The following ZNF365 variants were observed in gnomAD, a reference collection of about 807,000 sequenced individuals.
The protein encoded by ZNF365 is zinc finger protein 365.
A neutral mutation model predicts 35.0 loss-of-function variants in ZNF365; 22 were observed. The ratio of observed to expected loss-of-function variants is 0.63; its 90% CI spans 0.45 to 0.90. The LOEUF is 0.90. Ranked by LOEUF, ZNF365 falls within the 40% of genes least tolerant of loss-of-function variation. The probability of loss-of-function intolerance (pLI) is 0.00; values close to 1 mark genes in which losing one functional copy is unlikely to be tolerated. For synonymous variants in ZNF365, 188 were observed against 196.2 expected, an observed-to-expected ratio of 0.96 and a Z score of 0.35; for missense variants, 448 against 500.3, an observed-to-expected ratio of 0.90 and a Z score of 1.00.
intron 3 of ZNF365, among the ~76,000 whole-genome samples, chr10:62,453,609 T>A (rs1589462329): frequency 6.6e-6 from 1 of 152,110 alleles, no homozygotes; most frequent in African/African-American, 2.4e-5. Flanking sequence ...GTGTAGGTAC[T>A]TTTTTTAATA....
chr10:62,398,953 G>C (rs941690460), intron 4 of ZNF365, among the ~76,000 whole-genome samples, 176 bp downstream of exon 4: 18 of 152,180 alleles, frequency 1.2e-4, no homozygotes, highest in Non-Finnish European at 2.1e-4. Context: ...AAGTTGATGT[G>C]ACCTTTCAAT....
chr10:62,392,771 C>T (rs1255377067), intron 3 of ZNF365, among the ~76,000 whole-genome samples: 1 of 152,132 alleles, frequency 6.6e-6, no homozygotes, highest in Non-Finnish European at 1.5e-5. Flanking sequence ...GCTGGGATTA[C>T]AGGCACCTGC....
At chr10:62,392,934 A>G (rs542397385) in intron 3 of ZNF365, among the ~76,000 whole-genome samples, 4 of 152,206 alleles carry the variant, frequency 2.6e-5, no homozygotes, top group South Asian at 2.1e-4. Context: ...ACCCGGCCCT[A>G]TGTGCTTATT....
At chr10:62,459,108 A>T (rs1438357266) in intron 3 of ZNF365, among the ~76,000 whole-genome samples, 3 of 152,236 alleles carry the variant, frequency 2.0e-5, no homozygotes, top group Non-Finnish European at 4.4e-5. Flanking sequence ...AGTATTCAAA[A>T]TATATGGTTC....
chr10:62,387,103 C>T (rs1257410681), intron 2 of ZNF365, among the ~76,000 whole-genome samples: 1 of 152,166 alleles, frequency 6.6e-6, no homozygotes, highest in Admixed American at 6.5e-5. Flanking sequence ...CTGGGACTTG[C>T]AGAACATACA....
chr10:62,388,307 AAATAGTAGGCACTC>A, intron 2 of ZNF365, 75 bp from the exon 3 acceptor site: 1 of 1,474,488 alleles, frequency 6.8e-7, no homozygotes, highest in Non-Finnish European at 9.3e-7. Flanking sequence ...GTTAACTGAC[AAATAGTAGGCACTC>A]AATAAATATG....
chr10:62,377,640 A>G (rs1839359021), intron 2 of ZNF365, among the ~76,000 whole-genome samples: 1 of 152,216 alleles, frequency 6.6e-6, no homozygotes, highest in South Asian at 2.1e-4. Flanking sequence ...GTTATAGATC[A>G]TAGAAGCTAT....
intron 3 of ZNF365, among the ~76,000 whole-genome samples, chr10:62,459,467 T>A (rs1396074495): frequency 6.6e-6 from 1 of 152,218 alleles, no homozygotes; most frequent in African/African-American, 2.4e-5. Context: ...ACATCCAGAC[T>A]AAAATATACC....
intron 3 of ZNF365, among the ~76,000 whole-genome samples, chr10:62,432,373 C>T (rs1236093372): frequency 6.6e-6 from 1 of 152,190 alleles, no homozygotes; most frequent in African/African-American, 2.4e-5. Flanking sequence ...TTTGTTAATT[C>T]AACCCTGAAT....
At chr10:62,377,075 A>G (rs1839350309) in intron 2 of ZNF365, 139 bp downstream of exon 2, 2 of 1,154,156 alleles carry the variant, frequency 1.7e-6, no homozygotes, top group Non-Finnish European at 2.4e-6. Context: ...TAGTTGAACC[A>G]GGAGGAACAA....
chr10:62,466,478 T>C (rs577595972), intron 4 of ZNF365, among the ~76,000 whole-genome samples: 81 of 152,188 alleles, frequency 5.3e-4, no homozygotes, highest in Non-Finnish European at 1.1e-3. Context: ...TCTGGGCCAG[T>C]AGCACGGGCC....
chr10:62,403,380 C>T (rs1407071130), downstream of ZNF365, among the ~76,000 whole-genome samples: 1 of 152,146 alleles, frequency 6.6e-6, no homozygotes, highest in African/African-American at 2.4e-5. Flanking sequence ...CTGGACCCGC[C>T]GGGTGCGGTG....
At chr10:62,383,631 T>G (rs1839476736) in intron 2 of ZNF365, among the ~76,000 whole-genome samples, 1 of 152,230 alleles carries the variant, frequency 6.6e-6, no homozygotes, top group South Asian at 2.1e-4. Flanking sequence ...CTGTGCAAAA[T>G]TGCAGTGAGC....
chr10:62,391,412 C>T (rs1158719885), intron 3 of ZNF365, among the ~76,000 whole-genome samples: 2 of 152,142 alleles, frequency 1.3e-5, no homozygotes, highest in East Asian at 1.9e-4. Context: ...CCCCCTCCCC[C>T]GAGTCCTCAA....
downstream of ZNF365, among the ~76,000 whole-genome samples, chr10:62,404,109 A>C (rs1464569876): frequency 5.0e-5 from 7 of 138,678 alleles, no homozygotes. Context: ...CTGGATCTTC[A>C]GCTATTATTC....
At chr10:62,477,499 T>A (rs1841152017) in intron 4 of ZNF365, among the ~76,000 whole-genome samples, 1 of 152,222 alleles carries the variant, frequency 6.6e-6, no homozygotes, top group Non-Finnish European at 1.5e-5. Context: ...TATCTCCTTC[T>A]TTATAGGTCC....
chr10:62,470,990 ATT>A (rs11297672), intron 4 of ZNF365, among the ~76,000 whole-genome samples: 29,504 of 146,386 alleles, frequency 0.2, 3,936 homozygotes, highest in African/African-American at 0.39. Flanking sequence ...TTGTTCATGC[ATT>A]TTTTTTTTTT....
At chr10:62,452,439 T>C (rs976739892) in intron 3 of ZNF365, among the ~76,000 whole-genome samples, 7 of 152,242 alleles carry the variant, frequency 4.6e-5, no homozygotes, top group Non-Finnish European at 1.0e-4. Flanking sequence ...TCGTGTTCTC[T>C]AGAATCTTAC....
chr10:62,459,192 A>G (rs762532870), intron 3 of ZNF365, among the ~76,000 whole-genome samples: 5 of 152,250 alleles, frequency 3.3e-5, no homozygotes, highest in Admixed American at 6.5e-5. Context: ...GAAAAGATGC[A>G]CAGCATTGAG....
Sources: allele counts gnomAD v4.1 joint callset (sites outside exome capture counted in the v4.1 genomes callset), GRCh38; gene constraint gnomAD v4.1.1; transcripts MANE v1.5; gene names NCBI Gene and HGNC (gene_info 2026-07-23, HGNC 2026-07-21).